Variants in CALD1 observed in about 807,000 individuals in gnomAD.
CALD1 encodes caldesmon.
In CALD1, 33 loss-of-function variants were observed where a neutral mutation model predicts 99.9. The observed-to-expected ratio is 0.33, with a 90% CI of 0.25 to 0.44. The LOEUF (loss-of-function observed/expected upper bound fraction) is 0.44. CALD1 is among the 20% of genes least tolerant of loss of function. The probability of loss-of-function intolerance (pLI) is 1.00; values close to 1 mark genes in which losing one functional copy is unlikely to be tolerated. For synonymous variants in CALD1, 310 were observed against 325.0 expected (o/e 0.95, Z 0.50); for missense variants, 861 against 962.1 (o/e 0.89, Z 1.39).
chr7:134,711,660 CTATA>C, the CALD1 span, among the ~76,000 whole-genome samples: 41 of 78,350 alleles, frequency 5.2e-4, 1 homozygote, highest in Admixed American at 9.7e-4. Context: ...CTCTCTCTCT[CTATA>C]TATATATATA....
At chr7:134,846,259 TA>T (rs147676868) in intron 2 of CALD1, among the ~76,000 whole-genome samples, 4,159 of 152,228 alleles carry the variant, frequency 0.027, 96 homozygotes, top group South Asian at 0.14. Context: ...AGGCCCCAGA[TA>T]GGGGTGGAGG....
chr7:134,754,275 C>A (rs147760969), intron 1 of CALD1, among the ~76,000 whole-genome samples: 226 of 152,224 alleles, frequency 1.5e-3, no homozygotes, highest in Admixed American at 2.9e-3. Flanking sequence ...ATGAGTAAGA[C>A]CATCTTCTTT....
the CALD1 span, among the ~76,000 whole-genome samples, chr7:134,735,524 A>T: frequency 2.3e-4 from 35 of 151,780 alleles, no homozygotes; most frequent in Non-Finnish European, 4.1e-4. Context: ...ACACTCCTAC[A>T]GGAATGCTAT....
In CALD1 at chr7:134,933,400, A is replaced by G. The variant is rs1805690601; in HGVS notation, c.631A>G (p.Met211Val). ...CATTGGAGAAAATCAGGTAGAGGTG[A>G]TGGTGGAAGAGAAAACAACTGAAAG... Reference protein sequence around the residue: ...GSIGENQVEVMVEEKTTESQE... With the variant: ...GSIGENQVEVVVEEKTTESQE... Residue 211 changes from methionine (M) to valine (V), a missense_variant, in exon 5 of 15, where the codon ATG becomes GTG. By Grantham distance (21) the Met-to-Val change is conservative (BLOSUM62 1). Around this residue, in one of 5 missense-constraint regions of CALD1, gnomAD observed 234 missense variants for 233.1 expected, o/e 1.00. Transcript: ENST00000361675. The G allele has an allele frequency of 2.5e-6, 4 of 1,612,630 alleles. No homozygotes were observed. The highest frequency in any genetic ancestry group is 3.4e-6 in the Non-Finnish European group (4 of 1,179,276).
chr7:134,922,801 A>T (rs1361052195), intron 3 of CALD1, among the ~76,000 whole-genome samples: 1 of 152,264 alleles, frequency 6.6e-6, no homozygotes, highest in Admixed American at 6.5e-5. Flanking sequence ...TGAAAGGCAC[A>T]AACTAAAACA....
chr7:134,889,775 A>G (rs1802054699), intron 3 of CALD1, among the ~76,000 whole-genome samples: 2 of 152,180 alleles, frequency 1.3e-5, no homozygotes, highest in South Asian at 2.1e-4. Context: ...ACTTTCATCA[A>G]TATATGTTCG....
chr7:134,906,960 C>T (rs768331183), intron 3 of CALD1, among the ~76,000 whole-genome samples: 2 of 152,144 alleles, frequency 1.3e-5, no homozygotes, highest in African/African-American at 4.8e-5. Context: ...AGTGGTGTCC[C>T]GGTTCTGAAT....
intron 3 of CALD1, among the ~76,000 whole-genome samples, chr7:134,905,922 CTTTTTTTTT>C (rs5887716): frequency 1.1e-5 from 1 of 94,776 alleles, no homozygotes; most frequent in African/African-American, 4.3e-5. Flanking sequence ...CTCTCTATAT[CTTTTTTTTT>C]TTTTTTTTTT....
chr7:134,843,018 T>C (rs1799710762), intron 1 of CALD1, among the ~76,000 whole-genome samples: 1 of 152,224 alleles, frequency 6.6e-6, no homozygotes, highest in Non-Finnish European at 1.5e-5. Flanking sequence ...AACTAGTGCC[T>C]GGCTGTTTGC....
intron 1 of CALD1, among the ~76,000 whole-genome samples, chr7:134,766,352 G>T (rs947187924): frequency 2.0e-5 from 3 of 151,538 alleles, no homozygotes; most frequent in South Asian, 2.1e-4. Context: ...CACCATGTTG[G>T]CCAGGCTAGT....
At chr7:134,920,580 G>T in intron 3 of CALD1, 2 of 1,288,084 alleles carry the variant, frequency 1.6e-6, no homozygotes, top group Non-Finnish European at 2.0e-6. Flanking sequence ...GTTCTGGATT[G>T]AGTATCTCAG....
intron 4 of CALD1, among the ~76,000 whole-genome samples, chr7:134,932,116 A>T (rs1295030257): frequency 6.6e-6 from 1 of 152,172 alleles, no homozygotes; most frequent in Non-Finnish European, 1.5e-5. Flanking sequence ...TTGGTTGGAC[A>T]CTTCTGTTTA....
At chr7:134,848,477 G>C (rs891533599) in intron 2 of CALD1, among the ~76,000 whole-genome samples, 10 of 152,200 alleles carry the variant, frequency 6.6e-5, no homozygotes, top group Non-Finnish European at 1.5e-4. Context: ...TTGCTAAAGA[G>C]CAGTGAAGAA....
chr7:134,800,665 G>A (rs548186933), intron 1 of CALD1, among the ~76,000 whole-genome samples: 2 of 152,018 alleles, frequency 1.3e-5, no homozygotes, highest in South Asian at 2.1e-4. Flanking sequence ...TAGTCACAGA[G>A]ATTTCTATCA....
At position 134,934,052 on chromosome 7, in the gene CALD1, T is replaced by G; in HGVS notation, c.1283T>G (p.Leu428Arg). 6.2e-7 allele frequency: 1 copy of G among 1,611,458 alleles called. No individual in the cohort carries two copies. The highest frequency in any genetic ancestry group is 8.5e-7 in the Non-Finnish European group (1 of 1,179,224). Residue 428 changes from leucine (L) to arginine (R), a missense_variant, in exon 5 of 15, where the codon CTT becomes CGT. Coordinates refer to ENST00000361675, the MANE Select transcript of CALD1 (RefSeq NM_033138.4). ...VNEKKAQEDK[L>R]QTAVLKKQGE... ...GAAAAGAAAGCACAAGAAGATAAAC[T>G]TCAGACAGCTGTCCTAAAGAAACAG...
intron 3 of CALD1, among the ~76,000 whole-genome samples, chr7:134,878,098 T>G (rs900979904): frequency 6.6e-6 from 1 of 152,110 alleles, no homozygotes; most frequent in Non-Finnish European, 1.5e-5. Context: ...AGGTAACCAG[T>G]GTCCTGAATA....
the CALD1 span, among the ~76,000 whole-genome samples, chr7:134,737,958 A>C: frequency 6.6e-6 from 1 of 152,232 alleles, no homozygotes. Context: ...CCAGAGTTTC[A>C]TATTCTCAAA....
At chr7:134,794,479 T>C (rs1188928493) in intron 1 of CALD1, among the ~76,000 whole-genome samples, 1 of 152,152 alleles carries the variant, frequency 6.6e-6, no homozygotes, top group Non-Finnish European at 1.5e-5. Flanking sequence ...ATGGCTGCCA[T>C]AGGTTTTTTG....
chr7:134,784,506 A>G (rs1167399828), intron 1 of CALD1, among the ~76,000 whole-genome samples: 1 of 152,224 alleles, frequency 6.6e-6, no homozygotes, highest in Non-Finnish European at 1.5e-5. Flanking sequence ...TAAGTTGTGC[A>G]TGACAGCCAG....
Sources: allele counts gnomAD v4.1 joint callset (sites outside exome capture counted in the v4.1 genomes callset), GRCh38; gene constraint gnomAD v4.1.1; regional missense constraint gnomAD v4.1.1; transcripts MANE v1.5; gene names NCBI Gene and HGNC (gene_info 2026-07-23, HGNC 2026-07-21).